ALS2: variants seen among roughly 807,000 people sequenced by gnomAD.
ALS2 encodes alsin.
A neutral mutation model predicts 203.4 loss-of-function variants in ALS2; 117 were observed. The observed-to-expected ratio is 0.58, with a 90% confidence interval of 0.50 to 0.67. ALS2 has a LOEUF of 0.67. Among genes scored for constraint, ALS2 ranks in the 30% least tolerant of loss-of-function variants. ALS2 has a pLI of 0.00. For missense variants in ALS2, 1,715 were observed against 1,989.4 expected (o/e 0.86, Z 2.62); for synonymous variants, 718 against 725.9 (o/e 0.99, Z 0.17).
At position 201,757,587 on chromosome 2, in the gene ALS2, G is replaced by C; in HGVS notation, c.1286C>G (p.Pro429Arg). The C allele has an allele frequency of 6.2e-7, 1 of 1,614,162 alleles. No homozygotes were observed. The highest frequency in any genetic ancestry group is 8.5e-7 in the Non-Finnish European group (1 of 1,180,024). ...KKVMNFYSTT[P>R]CETGAQAGSS... ...GCCTGCCTGAGCTCCAGTTTCACAA[G>C]GGGTTGTACTATAAAAGTTCATAAC... Residue 429 changes from proline to arginine, a missense_variant, in exon 5 of 34, where the codon CCT becomes CGT. Physicochemically the swap from Pro to Arg is moderately radical, Grantham distance 103. Transcript: ENST00000264276.
intron 9 of ALS2, among the ~76,000 whole-genome samples, chr2:201,744,773 T>C (rs1482695039): frequency 1.3e-5 from 2 of 152,182 alleles, no homozygotes; most frequent in Admixed American, 6.5e-5. Context: ...TACAACTGTT[T>C]GGAAACAGAC....
chr2:201,711,224 T>G, intron 25 of ALS2, 116 bp from the exon 26 acceptor site: 1 of 714,896 alleles, frequency 1.4e-6, no homozygotes, highest in Admixed American at 2.0e-5. Flanking sequence ...TCCAACGTAG[T>G]ACTAAACCCA....
chr2:201,767,320 A>T lies in ALS2; in HGVS notation c.84T>A (p.Phe28Leu). 1.2e-6 allele frequency: 2 copies of T among 1,614,032 alleles called. No individual in the cohort carries two copies. The highest frequency in any genetic ancestry group is 1.7e-6 in the Non-Finnish European group (2 of 1,180,000). The change falls in exon 3 of 34, where the codon TTT becomes TTA. Residue 28 changes from phenylalanine to leucine, a missense_variant. Physicochemically the swap from Phe to Leu is conservative, Grantham distance 22. Around this residue, in one of 3 missense-constraint regions of ALS2, gnomAD observed 476 missense variants for 539.3 expected, o/e 0.88. Transcript: ENST00000264276. ...CTGGCAATCTCTCTGGTGTTATGGG[A>T]AAGGATCCTGCCTGCCAGATATGGA... ...GLVHIWQAGS[F>L]PITPERLPGW...
At chr2:201,779,679 C>T (rs1460813970) in intron 1 of ALS2, among the ~76,000 whole-genome samples, 3 of 152,138 alleles carry the variant, frequency 2.0e-5, no homozygotes, top group Non-Finnish European at 4.4e-5. Flanking sequence ...CGTAAAGGTA[C>T]TGTTATCAGG....
intron 24 of ALS2, among the ~76,000 whole-genome samples, 193 bp downstream of exon 24, chr2:201,717,884 G>A (rs1690515491): frequency 6.6e-6 from 1 of 151,970 alleles, no homozygotes; most frequent in Non-Finnish European, 1.5e-5. Flanking sequence ...AGGCTGCAGT[G>A]AGCCATGATC....
At chr2:201,745,991 A>C (rs1489489405) in intron 9 of ALS2, among the ~76,000 whole-genome samples, 6 of 152,144 alleles carry the variant, frequency 3.9e-5, no homozygotes, top group Non-Finnish European at 8.8e-5. Context: ...AAAGTGGAGA[A>C]GTGAAGCAGG....
chr2:201,777,555 CTCA>C (rs1317877740), intron 1 of ALS2, among the ~76,000 whole-genome samples: 1 of 152,106 alleles, frequency 6.6e-6, no homozygotes, highest in Non-Finnish European at 1.5e-5. Flanking sequence ...AATCTATGTA[CTCA>C]TCATCCAGTT....
intron 25 of ALS2, among the ~76,000 whole-genome samples, chr2:201,713,820 T>C (rs952029604): frequency 2.6e-5 from 4 of 152,252 alleles, no homozygotes; most frequent in Non-Finnish European, 5.9e-5. Context: ...TTATTGATTC[T>C]CTTTCCTGAA....
chr2:201,724,011 G>T (rs1428345884), intron 21 of ALS2, among the ~76,000 whole-genome samples: 1 of 152,088 alleles, frequency 6.6e-6, no homozygotes, highest in South Asian at 2.1e-4. Flanking sequence ...CCAGCTACTT[G>T]GTAGACTGAG....
chr2:201,709,762 AATCT>A, intron 27 of ALS2, 115 bp downstream of exon 27: 1 of 1,212,284 alleles, frequency 8.2e-7, no homozygotes, highest in Non-Finnish European at 1.2e-6. Flanking sequence ...TGTTTTACTT[AATCT>A]ATTAAAGGAC....
intron 1 of ALS2, among the ~76,000 whole-genome samples, chr2:201,770,499 C>T (rs1694326568): frequency 6.6e-6 from 1 of 152,050 alleles, no homozygotes; most frequent in East Asian, 1.9e-4. Flanking sequence ...ACTGTTTTTA[C>T]AACTTTCTTT....
chr2:201,739,067 G>A (rs151271889), intron 11 of ALS2, among the ~76,000 whole-genome samples: 11 of 151,358 alleles, frequency 7.3e-5, no homozygotes, highest in African/African-American at 2.4e-4. Flanking sequence ...GGGGAAACCC[G>A]ACTTTACAAA....
intron 12 of ALS2, among the ~76,000 whole-genome samples, chr2:201,735,495 G>C (rs1022225251): frequency 6.6e-6 from 1 of 152,214 alleles, no homozygotes; most frequent in African/African-American, 2.4e-5. Flanking sequence ...CATCATCCAA[G>C]ATCCACTAAC....
rs1429780986 is a variant in ALS2 at position 201,701,269 on chromosome 2, T to A, written c.*582A>T. The A allele has an allele frequency of 6.5e-6, 1 of 152,960 alleles. No homozygotes were observed. The highest frequency in any genetic ancestry group is 1.9e-4 in the East Asian group (1 of 5,192). The allele number at this position is 152,960 out of a possible 1,614,324, so 9.5% of individuals were successfully genotyped here. A position where few individuals can be genotyped will look rare whatever the true frequency, so the allele number is the denominator to read the frequency against. ...GTAGTTTTGCACAGAACCTCTCCCA[T>A]CAAGAAACAGCTTAGAAAAAGTTAA... is the stretch of plus-strand genomic sequence containing the variant. On this transcript the variant is annotated 3_prime_UTR_variant, in exon 34 of 34. Transcript: ENST00000264276.
intron 1 of ALS2, among the ~76,000 whole-genome samples, chr2:201,773,138 G>C (rs1253051830): frequency 6.6e-6 from 1 of 152,158 alleles, no homozygotes; most frequent in East Asian, 1.9e-4. Context: ...GGGATTACAG[G>C]CGTGAGCCAA....
intron 23 of ALS2, chr2:201,722,423 A>C (rs1314450213): frequency 6.6e-6 from 1 of 152,334 alleles, no homozygotes; most frequent in Non-Finnish European, 1.5e-5. Flanking sequence ...AAAGTTCGAC[A>C]GTTTCTTAAT....
At chr2:201,730,090 T>C (rs1434607235) in intron 13 of ALS2, among the ~76,000 whole-genome samples, 1 of 152,150 alleles carries the variant, frequency 6.6e-6, no homozygotes, top group Admixed American at 6.5e-5. Context: ...GAGGGAAGCA[T>C]TTTAATAGCC....
At chr2:201,726,950 G>A (rs1691211820) in intron 17 of ALS2, 84 bp from the exon 18 acceptor site, 1 of 1,259,534 alleles carries the variant, frequency 7.9e-7, no homozygotes, top group Non-Finnish European at 1.1e-6. Flanking sequence ...TCTTTGGTGT[G>A]AATAAATTAT....
chr2:201,759,656 G>T, intron 4 of ALS2: 1 of 984,866 alleles, frequency 1.0e-6, no homozygotes, highest in Non-Finnish European at 1.2e-6. Flanking sequence ...GCTTATCCTT[G>T]ATTTTTTTAA....
Sources: allele counts gnomAD v4.1 joint callset (sites outside exome capture counted in the v4.1 genomes callset), GRCh38; gene constraint gnomAD v4.1.1; regional missense constraint gnomAD v4.1.1; transcripts MANE v1.5; gene names NCBI Gene and HGNC (gene_info 2026-07-23, HGNC 2026-07-21).